AMBRA1: variants seen among roughly 807,000 people sequenced by gnomAD.
AMBRA1 encodes the protein activating molecule in BECN1-regulated autophagy protein 1.
A neutral mutation model predicts 125.4 loss-of-function variants in AMBRA1; 47 were observed. The ratio of observed to expected loss-of-function variants is 0.37; its 90% confidence interval spans 0.30 to 0.48. The LOEUF (loss-of-function observed/expected upper bound fraction) is 0.48, where lower values mean the gene tolerates loss of function less well. Among genes scored for constraint, AMBRA1 ranks in the 20% least tolerant of loss-of-function variants. The probability of loss-of-function intolerance (pLI) is 0.99; values close to 1 mark genes in which losing one functional copy is unlikely to be tolerated. For missense variants in AMBRA1, 1,331 were observed against 1,693.4 expected (o/e 0.79, Z 3.76); for synonymous variants, 626 against 655.5 (o/e 0.95, Z 0.69).
chr11:46,529,869 A>G (rs1017424131), intron 7 of AMBRA1, among the ~76,000 whole-genome samples: 1 of 152,196 alleles, frequency 6.6e-6, no homozygotes, highest in Non-Finnish European at 1.5e-5. Flanking sequence ...GCTCACACAA[A>G]CATGTTGTCA....
rs1331298709 is a variant in AMBRA1, at chr11:46,537,328, C to T, written c.2072+4617G>A. 5.3e-5 allele frequency among the ~76,000 whole-genome samples: 8 copies of T among 152,320 alleles called. No individual in the cohort carries two copies. In the East Asian group the frequency reaches 9.6e-4, roughly 18 times the overall value. ...AATGAAACGGAGGAAAGGGTGCCCTCTTCAGGGCCCAGGAGTTCAAACCCC... is the reference window on the plus strand; with the variant it reads ...AATGAAACGGAGGAAAGGGTGCCCTTTTCAGGGCCCAGGAGTTCAAACCCC... On this transcript the variant is annotated intron_variant, in intron 7 of 17. Transcript: ENST00000683756.
intron 7 of AMBRA1, among the ~76,000 whole-genome samples, chr11:46,518,607 A>G (rs1190094891): frequency 6.6e-6 from 1 of 152,126 alleles, no homozygotes; most frequent in Non-Finnish European, 1.5e-5. Flanking sequence ...AGGAATCCTG[A>G]TAGAGACAAA....
chr11:46,484,061 T>C (rs1232115238), intron 11 of AMBRA1, among the ~76,000 whole-genome samples: 2 of 152,216 alleles, frequency 1.3e-5, no homozygotes, highest in Non-Finnish European at 2.9e-5. Flanking sequence ...TCTCATGTTA[T>C]AGGGCTATTG....
rs2042855355 is a variant in AMBRA1 at position 46,547,310 on chromosome 11, G to A, written c.195-14C>T. The A allele has an allele frequency of 6.3e-7, 1 of 1,593,480 alleles. No individual in the cohort carries two copies. The highest frequency in any genetic ancestry group is 8.5e-7 in the Non-Finnish European group (1 of 1,170,152). ...GCTAAGAGAGTCCTAGAAAATCAAA[G>A]AGTAGAACTGAATTCAGAAGCATGT... On this transcript the variant is annotated splice_polypyrimidine_tract_variant and intron_variant, in intron 3 of 17. Transcript: ENST00000683756.
At chr11:46,587,825 A>G (rs1427982130) in intron 1 of AMBRA1, among the ~76,000 whole-genome samples, 1 of 152,226 alleles carries the variant, frequency 6.6e-6, no homozygotes, top group Non-Finnish European at 1.5e-5. Flanking sequence ...GTCTTCAATA[A>G]ATATTTGCTA....
chr11:46,554,290 A>T (rs1482330337), intron 1 of AMBRA1, among the ~76,000 whole-genome samples: 1 of 152,184 alleles, frequency 6.6e-6, no homozygotes, highest in African/African-American at 2.4e-5. Context: ...AATAAAAAAA[A>T]CCGACCTTCC....
intron 1 of AMBRA1, among the ~76,000 whole-genome samples, chr11:46,577,639 T>TA (rs893616283): frequency 3.1e-4 from 46 of 146,458 alleles, no homozygotes; most frequent in East Asian, 9.8e-4. Flanking sequence ...ATCCTTATTC[T>TA]AAAAAAAAAA....
chr11:46,493,918 A>T, intron 10 of AMBRA1: 1 of 645,436 alleles, frequency 1.5e-6, no homozygotes, highest in Non-Finnish European at 2.6e-6. Context: ...TTCTGTTCTT[A>T]AACAGGATTC....
chr11:46,482,977 C>A (rs2136924881), intron 11 of AMBRA1, among the ~76,000 whole-genome samples: 1 of 150,828 alleles, frequency 6.6e-6, no homozygotes, highest in South Asian at 2.1e-4. Flanking sequence ...CCATTGCACT[C>A]CAGCCTGGGT....
chr11:46,556,608 C>T (rs1331979816), intron 1 of AMBRA1, among the ~76,000 whole-genome samples: 1 of 152,062 alleles, frequency 6.6e-6, no homozygotes, highest in African/African-American at 2.4e-5. Context: ...ATATGGGCCC[C>T]GCAGTCAGAA....
chr11:46,491,768 C>T lies in AMBRA1; in HGVS notation c.2521+1840G>A, dbSNP rs556126876. Among the ~76,000 whole-genome samples, 9 of 152,286 alleles carry T rather than the reference C, an allele frequency of 5.9e-5. No individual in the cohort carries two copies. In the East Asian group the frequency reaches 1.7e-3, roughly 29 times the overall value. The stretch of plus-strand genomic sequence containing the variant: ...TTTCACATCTGTAAACAGCTGCCCA[C>T]TGCAACACAGCCCCTATATTCAAAG... On this transcript the variant is annotated intron_variant, in intron 11 of 17. Transcript: ENST00000683756.
chr11:46,415,438 G>GT (rs760883158), intron 15 of AMBRA1, among the ~76,000 whole-genome samples: 4 of 152,194 alleles, frequency 2.6e-5, no homozygotes, highest in Non-Finnish European at 5.9e-5. Flanking sequence ...TTTTAAAGGG[G>GT]TTTTTGAGTG....
intron 15 of AMBRA1, among the ~76,000 whole-genome samples, chr11:46,412,114 C>G (rs144326018): frequency 2.6e-5 from 4 of 152,302 alleles, no homozygotes; most frequent in African/African-American, 9.6e-5. Context: ...AAGGCCACCT[C>G]TTTAAAAAGC....
intron 11 of AMBRA1, among the ~76,000 whole-genome samples, chr11:46,476,398 C>T (rs564803605): frequency 1.3e-5 from 2 of 152,172 alleles, no homozygotes; most frequent in South Asian, 4.2e-4. Context: ...TTAGGGGTGG[C>T]TTGTGGTTAG....
At chr11:46,462,343 A>C (rs1355092109) in intron 11 of AMBRA1, among the ~76,000 whole-genome samples, 1 of 152,218 alleles carries the variant, frequency 6.6e-6, no homozygotes, top group Admixed American at 6.5e-5. Flanking sequence ...ATAATCTTGC[A>C]GTCAACACTA....
chr11:46,570,651 T>G lies in AMBRA1; in HGVS notation c.-120-22151A>C, dbSNP rs191659996. Among the ~76,000 whole-genome samples the G allele has an allele frequency of 3.3e-5, 5 of 152,260 alleles. No homozygotes were observed. The East Asian group carries it at 9.6e-4, about 29-fold the overall frequency. On this transcript the variant is annotated intron_variant, in intron 1 of 17. Transcript: ENST00000683756. ...CCCCCCCATTGAACAGTAATTTGATTGCTGTTAATATTTTTTTTTAAGCCA... is the reference window on the plus strand; with the variant it reads ...CCCCCCCATTGAACAGTAATTTGATGGCTGTTAATATTTTTTTTTAAGCCA...
intron 11 of AMBRA1, among the ~76,000 whole-genome samples, chr11:46,483,594 C>T (rs1950156972): frequency 6.6e-6 from 1 of 151,956 alleles, no homozygotes; most frequent in African/African-American, 2.4e-5. Flanking sequence ...TGATGTGAGC[C>T]CAGGGTTTTA....
At chr11:46,428,532 C>T (rs1295549657) in intron 14 of AMBRA1, 3 of 881,296 alleles carry the variant, frequency 3.4e-6, no homozygotes, top group Non-Finnish European at 5.3e-6. Context: ...GTTCCTAGTG[C>T]CTCTAGGATC....
chr11:46,450,889 TCTACGTTGGTTCATCAG>T (rs1323356396), intron 11 of AMBRA1, among the ~76,000 whole-genome samples: 2 of 152,226 alleles, frequency 1.3e-5, no homozygotes, highest in African/African-American at 2.4e-5. Flanking sequence ...TAATGATGTG[TCTACGTTGGTTCATCAG>T]CTGCAGCAAA....
Sources: gnomAD v4.1 joint callset for allele counts (sites outside exome capture counted in the v4.1 genomes callset) on GRCh38, gnomAD v4.1.1 for gene constraint, MANE v1.5 for transcripts, NCBI Gene and HGNC (gene_info 2026-07-23, HGNC 2026-07-21) for gene names.